ANKFN1: variants seen among roughly 807,000 people sequenced by gnomAD.
ANKFN1 encodes the protein ankyrin repeat and fibronectin type III domain containing 1.
A neutral mutation model predicts 108.7 loss-of-function variants in ANKFN1; 74 were observed. That is an observed-to-expected ratio of 0.68 (90% CI 0.56 to 0.83). ANKFN1 has a LOEUF of 0.83. ANKFN1 is among the 40% of genes least tolerant of loss of function. ANKFN1 has a pLI of 0.00. For missense variants in ANKFN1, 1,505 were observed against 1,382.3 expected (o/e 1.09, Z -1.41); for synonymous variants, 547 against 516.2 (o/e 1.06, Z -0.81).
At chr17:56,317,371 T>C (rs938551186) in intron 3 of ANKFN1, among the ~76,000 whole-genome samples, 1 of 152,222 alleles carries the variant, frequency 6.6e-6, no homozygotes, top group Non-Finnish European at 1.5e-5. Context: ...CTTTGACTCA[T>C]AGGAAAGGTG....
intron 3 of ANKFN1, among the ~76,000 whole-genome samples, chr17:56,243,081 C>T (rs1193336960): frequency 6.6e-6 from 1 of 152,036 alleles, no homozygotes; most frequent in South Asian, 2.1e-4. Context: ...CAATTTTTCT[C>T]ATTTATGTTC....
intron 3 of ANKFN1, among the ~76,000 whole-genome samples, chr17:56,229,192 C>G (rs1283337276): frequency 6.6e-6 from 1 of 152,074 alleles, no homozygotes; most frequent in East Asian, 1.9e-4. Context: ...TTTAAAATGT[C>G]AGTCTCTGTA....
At chr17:56,361,867 C>T (rs1213025433) in intron 6 of ANKFN1, among the ~76,000 whole-genome samples, 2 of 152,008 alleles carry the variant, frequency 1.3e-5, no homozygotes, top group African/African-American at 2.4e-5. Context: ...GTTGGCTTCC[C>T]CCAGAGAAAA....
intron 8 of ANKFN1, among the ~76,000 whole-genome samples, chr17:56,406,570 C>G (rs962384463): frequency 6.6e-6 from 1 of 151,928 alleles, no homozygotes; most frequent in African/African-American, 2.4e-5. Context: ...AACCATAAAC[C>G]CTCTCTCTTT....
chr17:56,444,578 C>G (rs1045716681), intron 10 of ANKFN1, among the ~76,000 whole-genome samples: 1 of 152,146 alleles, frequency 6.6e-6, no homozygotes, highest in African/African-American at 2.4e-5. Context: ...TCATCTGCAT[C>G]TCTATCAGCA....
intron 3 of ANKFN1, among the ~76,000 whole-genome samples, chr17:56,306,545 G>A (rs548223274): frequency 6.6e-6 from 1 of 152,284 alleles, no homozygotes; most frequent in Admixed American, 6.5e-5. Context: ...TCTTCAAGGA[G>A]AACTACAAAC....
At chr17:56,292,738 A>G (rs559336194) in intron 3 of ANKFN1, among the ~76,000 whole-genome samples, 1 of 152,182 alleles carries the variant, frequency 6.6e-6, no homozygotes, top group Admixed American at 6.5e-5. Flanking sequence ...GGAAAAAAAA[A>G]CCACTGCCAT....
chr17:56,077,803 A>C (rs2143155614), intron 4 of ANKFN1, among the ~76,000 whole-genome samples: 1 of 152,058 alleles, frequency 6.6e-6, no homozygotes, highest in South Asian at 2.1e-4. Context: ...TCTTGGTGGG[A>C]GTTTCCTGTG....
At chr17:56,092,537 GT>G (rs1342662271) in intron 4 of ANKFN1, among the ~76,000 whole-genome samples, 10 of 151,122 alleles carry the variant, frequency 6.6e-5, no homozygotes, top group African/African-American at 2.4e-4. Flanking sequence ...GCCTCCCAAA[GT>G]GTTAGGATTA....
At chr17:56,420,870 G>A (rs1177112979) in intron 8 of ANKFN1, among the ~76,000 whole-genome samples, 1 of 151,912 alleles carries the variant, frequency 6.6e-6, no homozygotes, top group African/African-American at 2.4e-5. Context: ...ACCGCGCCCG[G>A]CTAATTTTTT....
intron 4 of ANKFN1, among the ~76,000 whole-genome samples, chr17:56,102,192 G>T (rs1281368214): frequency 1.3e-5 from 2 of 152,010 alleles, no homozygotes; most frequent in South Asian, 4.2e-4. Context: ...GTAATGCATC[G>T]CCCCCTGCCC....
Position 56,457,282 on chromosome 17 carries a change from T to C in ANKFN1, c.1333T>C (p.Tyr445His). 6.3e-7 allele frequency: 1 copy of C among 1,596,108 alleles called. No individual in the cohort carries two copies. Residue 445 changes from tyrosine (Y) to histidine (H), a missense_variant, in exon 13 of 21, where the codon TAT becomes CAT. Physicochemically the swap from Tyr to His is moderately conservative, Grantham distance 83 (BLOSUM62 2). Transcript: ENST00000682825. ...KRGLYIAVIF[Y>H]YKDNILVTNE... Reference sequence around the variant, plus strand: ...GGGACTCTACATAGCCGTTATATTTTATTACAAAGACAATATCTTAGTCAC... The same window carrying C: ...GGGACTCTACATAGCCGTTATATTTCATTACAAAGACAATATCTTAGTCAC...
Position 56,374,740 on chromosome 17 carries a change from T to A in ANKFN1, c.910+26T>A, listed in dbSNP as rs371221010. The A allele has an allele frequency of 2.6e-6, 4 of 1,541,436 alleles. No homozygotes were observed. The African/African-American group carries it at 5.5e-5, about 21-fold the overall frequency. Reference sequence around the variant, plus strand: ...GTACTGGACCCAAGACATGTTTTCATCACTCCTTCTTAAAAAAGCATCTGC... The same window carrying A: ...GTACTGGACCCAAGACATGTTTTCAACACTCCTTCTTAAAAAAGCATCTGC... On this transcript the variant is annotated intron_variant, in intron 8 of 20. Transcript: ENST00000682825.
intron 4 of ANKFN1, among the ~76,000 whole-genome samples, chr17:56,097,402 G>A (rs1287422417): frequency 2.0e-5 from 3 of 152,108 alleles, no homozygotes; most frequent in African/African-American, 7.2e-5. Context: ...CTTACTGGAC[G>A]TGTCTCTGTA....
chr17:56,105,610 C>T (rs1423529517), intron 4 of ANKFN1, among the ~76,000 whole-genome samples: 1 of 151,412 alleles, frequency 6.6e-6, no homozygotes, highest in Middle Eastern at 3.2e-3. Context: ...TCATTTTTCT[C>T]TTCCTCTCTG....
At chr17:56,076,516 C>T (rs2143152352) in intron 4 of ANKFN1, among the ~76,000 whole-genome samples, 1 of 152,292 alleles carries the variant, frequency 6.6e-6, no homozygotes, top group Middle Eastern at 3.4e-3. Context: ...GGGGGCACTA[C>T]ATGGGGATAG....
At chr17:56,432,362 C>T (rs2048785813) in intron 8 of ANKFN1, among the ~76,000 whole-genome samples, 1 of 152,100 alleles carries the variant, frequency 6.6e-6, no homozygotes, top group Admixed American at 6.6e-5. Context: ...CCTAAAAGTG[C>T]TTATTCACAA....
upstream of ANKFN1, among the ~76,000 whole-genome samples, chr17:56,151,322 T>C (rs1908590783): frequency 6.6e-6 from 1 of 152,148 alleles, no homozygotes; most frequent in Admixed American, 6.5e-5. Flanking sequence ...TGTGTCATCA[T>C]CCCCTGAAGA....
chr17:56,326,310 A>G lies in ANKFN1; in HGVS notation c.143A>G (p.Gln48Arg). Residue 48 changes from glutamine (Q) to arginine (R), a missense_variant, in exon 4 of 21, where the codon CAA becomes CGA. Transcript: ENST00000682825. ...GATTTATTGAATGAAAGCACTGGAC[A>G]ATTACCAACAACTTGTTCCTCTGCT... The part of the protein sequence containing the change: ...QCDLLNESTG[Q>R]LPTTCSSAAS... 2 of 1,613,970 alleles carry G rather than the reference A, an allele frequency of 1.2e-6. No individual in the cohort carries two copies. The highest frequency in any genetic ancestry group is 2.7e-5 in the African/African-American group (2 of 75,064).
Sources: gnomAD v4.1 joint callset for allele counts (sites outside exome capture counted in the v4.1 genomes callset) on GRCh38, gnomAD v4.1.1 for gene constraint, MANE v1.5 for transcripts, NCBI Gene and HGNC (gene_info 2026-07-23, HGNC 2026-07-21) for gene names.